TNR: variants seen among roughly 807,000 people sequenced by gnomAD.
TNR encodes tenascin R.
In TNR, 45 loss-of-function variants were observed where a neutral mutation model predicts 150.4. That is an observed-to-expected ratio of 0.30 (90% CI 0.24 to 0.38). The LOEUF (loss-of-function observed/expected upper bound fraction) is 0.38, where lower values mean the gene tolerates loss of function less well. Ranked by LOEUF, TNR falls within the 10% of genes least tolerant of loss-of-function variation. TNR has a pLI of 1.00. For synonymous variants in TNR, 687 were observed against 678.4 expected (o/e 1.01, Z -0.20); for missense variants, 1,544 against 1,759.1 (o/e 0.88, Z 2.19).
In TNR at chr1:175,385,808, C is replaced by A. The variant is rs142707151; in HGVS notation, c.1777+224G>T. ...TTTATATCAAGCACAGATCTGGTTGCCAGTAGAGGTAGGATGAGAAGCTAG... is the reference window on the plus strand; with the variant it reads ...TTTATATCAAGCACAGATCTGGTTGACAGTAGAGGTAGGATGAGAAGCTAG... On this transcript the variant is annotated intron_variant, in intron 8 of 22. Transcript: ENST00000367674. 2.6e-4 allele frequency among the ~76,000 whole-genome samples: 40 copies of A among 152,248 alleles called. No homozygotes were observed. In the East Asian group the frequency reaches 7.3e-3, roughly 28 times the overall value.
In TNR at chr1:175,363,688, A is replaced by G. The variant is rs562927088; in HGVS notation, c.2707+20T>C. On this transcript the variant is annotated intron_variant, in intron 13 of 22. Transcript: ENST00000367674. ...TCACCCAAATCCTAGTATCTTTGAG[A>G]AATCAAATCACTTTGTTACCTTGGG... 173 of 1,609,934 alleles carry G rather than the reference A, an allele frequency of 1.1e-4. 1 individual carries two copies. The South Asian group carries it at 1.8e-3, about 17-fold the overall frequency.
At chr1:175,518,474 A>G (rs1053013378) in intron 2 of TNR, among the ~76,000 whole-genome samples, 2 of 152,068 alleles carry the variant, frequency 1.3e-5, no homozygotes, top group African/African-American at 4.8e-5. Flanking sequence ...TGGGGTCATC[A>G]TCTTTTCCAT....
chr1:175,554,629 G>C (rs1661076479), intron 1 of TNR, among the ~76,000 whole-genome samples: 1 of 152,186 alleles, frequency 6.6e-6, no homozygotes, highest in Non-Finnish European at 1.5e-5. Context: ...GTATTTGGTG[G>C]CTAAGGCTCT....
chr1:175,684,734 G>C (rs998621466), intron 1 of TNR, among the ~76,000 whole-genome samples: 1 of 152,180 alleles, frequency 6.6e-6, no homozygotes, highest in African/African-American at 2.4e-5. Flanking sequence ...TCTATAGTTA[G>C]CTAGGTTCAG....
intron 1 of TNR, among the ~76,000 whole-genome samples, chr1:175,576,336 G>A (rs781109521): frequency 6.6e-6 from 1 of 152,198 alleles, no homozygotes; most frequent in Non-Finnish European, 1.5e-5. Context: ...AAGGTGGGAG[G>A]AGAGGAGGAA....
chr1:175,374,961 C>A (rs1280216253), intron 9 of TNR, among the ~76,000 whole-genome samples: 2 of 152,306 alleles, frequency 1.3e-5, no homozygotes, highest in East Asian at 3.9e-4. Context: ...AGCCCCCTCC[C>A]CTCCTGCTAA....
intron 2 of TNR, among the ~76,000 whole-genome samples, chr1:175,515,475 G>A (rs1374261877): frequency 3.3e-5 from 5 of 152,198 alleles, no homozygotes; most frequent in Admixed American, 1.3e-4. Context: ...ACTTTAAAAG[G>A]AGAGAATTAG....
In TNR at chr1:175,367,175, C is replaced by A. The variant is rs376400088; in HGVS notation, c.2053+33G>T. Reference sequence around the variant, plus strand: ...TGACTCCTTAGGCTTATAGGCTAACCTGGTCTTCTTCCTCAGCAGTCCTCC... The same window carrying A: ...TGACTCCTTAGGCTTATAGGCTAACATGGTCTTCTTCCTCAGCAGTCCTCC... On this transcript the variant is annotated intron_variant, in intron 10 of 22. Coordinates refer to ENST00000367674, the MANE Select transcript of TNR (RefSeq NM_003285.3). 6.4e-5 allele frequency: 103 copies of A among 1,606,246 alleles called. 1 individual carries two copies. The African/African-American group carries it at 1.3e-3, about 20-fold the overall frequency.
At position 175,317,359 on chromosome 1, in the gene TNR, A is replaced by G. The variant is rs1382542635; in HGVS notation, c.*5998T>C. On this transcript the variant is annotated 3_prime_UTR_variant, in exon 23 of 23. Transcript: ENST00000367674. Reference sequence around the variant, plus strand: ...TGAGAGGAAATAAAATGAGAGGATTATATTAGATGATCTTGAGTCCCATCC... The same window carrying G: ...TGAGAGGAAATAAAATGAGAGGATTGTATTAGATGATCTTGAGTCCCATCC... 1.3e-5 allele frequency: 2 copies of G among 152,226 alleles called. No homozygotes were observed. Among genetic ancestry groups the G allele is most frequent in the Non-Finnish European group, 2.9e-5 (2 of 68,036 alleles). 9.4% of individuals were successfully genotyped at this position (152,226 alleles called of 1,614,324 possible). A position where few individuals can be genotyped will look rare whatever the true frequency, so the allele number is the denominator to read the frequency against.
chr1:175,378,656 C>T (rs988524675), intron 9 of TNR, among the ~76,000 whole-genome samples: 1 of 152,158 alleles, frequency 6.6e-6, no homozygotes, highest in Admixed American at 6.5e-5. Flanking sequence ...ATTTGCCAGT[C>T]CTATATAGCA....
At chr1:175,418,972 A>G (rs1428774444) in intron 2 of TNR, among the ~76,000 whole-genome samples, 2 of 152,200 alleles carry the variant, frequency 1.3e-5, no homozygotes, top group African/African-American at 4.8e-5. Flanking sequence ...TGCAGTTGCA[A>G]TTGGCCCCAA....
At chr1:175,731,401 A>G (rs1454913588) in intron 1 of TNR, among the ~76,000 whole-genome samples, 2 of 152,202 alleles carry the variant, frequency 1.3e-5, no homozygotes, top group African/African-American at 4.8e-5. Flanking sequence ...ACCTTCACCA[A>G]TGGTTGTGCA....
intron 2 of TNR, 79 bp from the exon 3 acceptor site, chr1:175,406,856 T>G: frequency 9.0e-7 from 1 of 1,110,620 alleles, no homozygotes; most frequent in Admixed American, 2.6e-5. Context: ...CCTACAAAGC[T>G]CAGGAGTAGG....
At chr1:175,331,095 TTCTTTCTC>T (rs1169403243) in intron 20 of TNR, among the ~76,000 whole-genome samples, 18 of 132,134 alleles carry the variant, frequency 1.4e-4, no homozygotes, top group African/African-American at 2.7e-4. Context: ...CTTTCTTTCT[TTCTTTCTC>T]TCTCTCTTTC....
At chr1:175,609,939 G>A (rs1295556654) in intron 1 of TNR, among the ~76,000 whole-genome samples, 1 of 152,116 alleles carries the variant, frequency 6.6e-6, no homozygotes. Flanking sequence ...GCTAATAATG[G>A]GAATGTGATA....
intron 1 of TNR, among the ~76,000 whole-genome samples, chr1:175,691,049 A>G (rs565268945): frequency 6.6e-6 from 1 of 152,298 alleles, no homozygotes; most frequent in South Asian, 2.1e-4. Context: ...GGAAGTCAAG[A>G]GTTCTTTGGG....
At chr1:175,394,653 C>T (rs904514536) in intron 5 of TNR, among the ~76,000 whole-genome samples, 1 of 152,182 alleles carries the variant, frequency 6.6e-6, no homozygotes, top group East Asian at 1.9e-4. Flanking sequence ...CTCCAGGAAG[C>T]CTGCTCCCAT....
chr1:175,720,194 GAT>G (rs1320862302), intron 1 of TNR, among the ~76,000 whole-genome samples: 1 of 152,184 alleles, frequency 6.6e-6, no homozygotes. Context: ...GTAGGGCTCT[GAT>G]CAGATAGGAT....
chr1:175,575,564 G>A (rs956739086), intron 1 of TNR, among the ~76,000 whole-genome samples: 1 of 152,184 alleles, frequency 6.6e-6, no homozygotes, highest in Non-Finnish European at 1.5e-5. Flanking sequence ...TTGCTAATAG[G>A]AGTCTATCAG....
Sources: gnomAD v4.1 joint callset for allele counts (sites outside exome capture counted in the v4.1 genomes callset) on GRCh38, gnomAD v4.1.1 for gene constraint, MANE v1.5 for transcripts, NCBI Gene and HGNC (gene_info 2026-07-23, HGNC 2026-07-21) for gene names.